MYO3B: variants seen among roughly 807,000 people sequenced by gnomAD.
MYO3B encodes myosin IIIB.
Under a neutral mutation model 174.6 loss-of-function variants are expected in MYO3B, and 156 were observed. The ratio of observed to expected loss-of-function variants is 0.89; its 90% CI spans 0.78 to 1.02. MYO3B has a LOEUF of 1.02. MYO3B is among the 50% of genes least tolerant of loss of function. The probability of loss-of-function intolerance (pLI) is 0.00; values close to 1 mark genes in which losing one functional copy is unlikely to be tolerated. For missense variants in MYO3B, 1,632 were observed against 1,639.4 expected (o/e 1.00, Z 0.08); for synonymous variants, 563 against 569.1 (o/e 0.99, Z 0.15).
At chr2:170,371,493 A>G (rs2094244334) in intron 9 of MYO3B, among the ~76,000 whole-genome samples, 3 of 152,238 alleles carry the variant, frequency 2.0e-5, no homozygotes, top group Admixed American at 1.3e-4. Context: ...AGGATGTGGG[A>G]AAATTAATTC....
At chr2:170,583,354 C>A (rs1441412465) in intron 32 of MYO3B, among the ~76,000 whole-genome samples, 1 of 152,106 alleles carries the variant, frequency 6.6e-6, no homozygotes, top group Non-Finnish European at 1.5e-5. Flanking sequence ...GCCTGCAGGC[C>A]TCGAAGAACA....
intron 9 of MYO3B, among the ~76,000 whole-genome samples, chr2:170,376,350 A>G (rs1022816058): frequency 6.6e-6 from 1 of 152,222 alleles, no homozygotes; most frequent in African/African-American, 2.4e-5. Flanking sequence ...TCCCTCTTTC[A>G]TTGGCTCTGT....
chr2:170,356,393 C>G (rs1218655361), intron 8 of MYO3B, among the ~76,000 whole-genome samples: 1 of 150,642 alleles, frequency 6.6e-6, no homozygotes, highest in South Asian at 2.1e-4. Flanking sequence ...ACAGATTTTC[C>G]CTCTTTTTGC....
At chr2:170,229,044 T>G (rs932906299) in intron 6 of MYO3B, among the ~76,000 whole-genome samples, 2 of 152,096 alleles carry the variant, frequency 1.3e-5, no homozygotes, top group African/African-American at 4.8e-5. Flanking sequence ...AAACTTCATT[T>G]GTTTATTCAG....
intron 7 of MYO3B, among the ~76,000 whole-genome samples, chr2:170,266,070 A>G (rs377412256): frequency 2.0e-5 from 3 of 152,250 alleles, no homozygotes; most frequent in East Asian, 3.9e-4. Context: ...AGAGAATTAA[A>G]CACAAGCAGA....
chr2:170,568,708 G>A (rs1233399489), intron 32 of MYO3B, among the ~76,000 whole-genome samples: 1 of 152,132 alleles, frequency 6.6e-6, no homozygotes, highest in Non-Finnish European at 1.5e-5. Context: ...ATTTCAATTG[G>A]CTCTTGAAAT....
At chr2:170,526,725 C>T (rs1446587350) in intron 30 of MYO3B, among the ~76,000 whole-genome samples, 11 of 152,166 alleles carry the variant, frequency 7.2e-5, no homozygotes. Context: ...TTTTTGAAGG[C>T]AGAAACCTTA....
intron 7 of MYO3B, among the ~76,000 whole-genome samples, chr2:170,294,743 C>T (rs550970664): frequency 6.6e-6 from 1 of 152,130 alleles, no homozygotes; most frequent in East Asian, 1.9e-4. Flanking sequence ...TGTCTAAACC[C>T]ATAGAATGTA....
intron 8 of MYO3B, among the ~76,000 whole-genome samples, chr2:170,352,603 G>A (rs1199232755): frequency 6.6e-6 from 1 of 152,170 alleles, no homozygotes; most frequent in Non-Finnish European, 1.5e-5. Context: ...GGATAGGGGT[G>A]GGAGTGGGGC....
intron 7 of MYO3B, among the ~76,000 whole-genome samples, chr2:170,240,256 T>G (rs1424658): frequency 0.081 from 12,378 of 152,232 alleles, 811 homozygotes; most frequent in African/African-American, 0.18. Context: ...GTTTACCACA[T>G]TCCCTGAGAA....
intron 29 of MYO3B, among the ~76,000 whole-genome samples, chr2:170,518,153 G>T (rs1232538763): frequency 1.3e-5 from 2 of 152,070 alleles, no homozygotes; most frequent in Non-Finnish European, 2.9e-5. Flanking sequence ...AAATATTTAT[G>T]CTGAGGAACC....
In MYO3B at chr2:170,373,888, G is replaced by A. The variant is rs139891072; in HGVS notation, c.971+4511G>A. Among the ~76,000 whole-genome samples, 974 of 151,654 alleles carry A rather than the reference G, an allele frequency of 6.4e-3. 4 individuals are homozygous for A. The highest frequency in any genetic ancestry group is 0.01 in the Middle Eastern group (3 of 290). On this transcript the variant is annotated intron_variant, in intron 9 of 34. Transcript: ENST00000408978. ...TTGGGAGTGGATTGTGGACTCCAGG[G>A]AATCGTTAAATCTTTGAGATATTCA...
chr2:170,192,538 T>C (rs1434166598), intron 1 of MYO3B, among the ~76,000 whole-genome samples: 1 of 151,278 alleles, frequency 6.6e-6, no homozygotes, highest in Non-Finnish European at 1.5e-5. Flanking sequence ...TATATTCTAC[T>C]GTTTTTCTGT....
At chr2:170,500,781 C>T (rs1490224538) in intron 27 of MYO3B, among the ~76,000 whole-genome samples, 2 of 152,190 alleles carry the variant, frequency 1.3e-5, no homozygotes, top group Non-Finnish European at 2.9e-5. Flanking sequence ...ACCAGAGTTA[C>T]TAACGCCATT....
At position 170,473,128 on chromosome 2, in the gene MYO3B, CT is replaced by C. The variant is rs1158816029; in HGVS notation, c.3014+6422del. Reference sequence around the variant, plus strand: ...TCATCACTATTTTCTTTTTCTTTTTCTTTTTCTTTTCTTTTTTTTTTTTTTT... The same window carrying C: ...TCATCACTATTTTCTTTTTCTTTTTCTTTTCTTTTCTTTTTTTTTTTTTTT... On this transcript the variant is annotated intron_variant, in intron 25 of 34. Transcript: ENST00000408978. Among the ~76,000 whole-genome samples, 756 of 131,996 alleles carry C rather than the reference CT, an allele frequency of 5.7e-3. 5 individuals carry two copies. Among genetic ancestry groups the C allele is most frequent in the African/African-American group, 0.02 (706 of 35,340 alleles). The allele number at this position is 131,996 out of a possible 152,430, so 86.6% of individuals were successfully genotyped here.
chr2:170,343,382 C>T (rs946264813), intron 8 of MYO3B: 5 of 150,878 alleles, frequency 3.3e-5, no homozygotes, highest in Non-Finnish European at 5.9e-5. Context: ...TTATAGTGAG[C>T]TAATTGTGCC....
intron 22 of MYO3B, among the ~76,000 whole-genome samples, chr2:170,430,912 A>G (rs2094703279): frequency 6.6e-6 from 1 of 152,140 alleles, no homozygotes; most frequent in Non-Finnish European, 1.5e-5. Flanking sequence ...CATTAAAGCC[A>G]TGTTGCACCT....
chr2:170,188,286 G>A (rs977303617), intron 1 of MYO3B, among the ~76,000 whole-genome samples: 1 of 151,468 alleles, frequency 6.6e-6, no homozygotes, highest in Non-Finnish European at 1.5e-5. Flanking sequence ...CTCTTTTTTG[G>A]CTTCCATTTG....
intron 30 of MYO3B, among the ~76,000 whole-genome samples, chr2:170,530,502 C>A (rs1689291090): frequency 6.6e-6 from 1 of 152,154 alleles, no homozygotes; most frequent in South Asian, 2.1e-4. Flanking sequence ...ATGGGTTAAT[C>A]TGAGGGGTTC....
Sources: allele counts gnomAD v4.1 joint callset (sites outside exome capture counted in the v4.1 genomes callset), GRCh38; gene constraint gnomAD v4.1.1; transcripts MANE v1.5; gene names NCBI Gene and HGNC (gene_info 2026-07-23, HGNC 2026-07-21).